Variants in HCN1 observed in about 807,000 individuals in gnomAD.
HCN1 encodes potassium/sodium hyperpolarization-activated cyclic nucleotide-gated channel 1.
In HCN1, 13 loss-of-function variants were observed where a neutral mutation model predicts 78.9. The observed-to-expected ratio is 0.16, with a 90% CI of 0.11 to 0.26. The LOEUF (loss-of-function observed/expected upper bound fraction) is 0.26, where lower values mean the gene tolerates loss of function less well. Ranked by LOEUF, HCN1 falls within the 10% of genes least tolerant of loss-of-function variation. HCN1 has a pLI of 1.00. For synonymous variants in HCN1, 552 were observed against 455.5 expected (o/e 1.21, Z -2.70); for missense variants, 810 against 1,154.3 (o/e 0.70, Z 4.32).
At chr5:45,514,540 T>C (rs1561184411) in intron 2 of HCN1, among the ~76,000 whole-genome samples, 1 of 152,148 alleles carries the variant, frequency 6.6e-6, no homozygotes, top group Non-Finnish European at 1.5e-5. Flanking sequence ...CAATTCTATT[T>C]TTCAATAATT....
chr5:45,495,838 T>G (rs1406342448), intron 2 of HCN1, among the ~76,000 whole-genome samples: 1 of 152,220 alleles, frequency 6.6e-6, no homozygotes, highest in Non-Finnish European at 1.5e-5. Flanking sequence ...CAAAGGCATT[T>G]TCTGCATCTA....
At chr5:45,523,006 C>A (rs1239517506) in intron 2 of HCN1, among the ~76,000 whole-genome samples, 1 of 151,742 alleles carries the variant, frequency 6.6e-6, no homozygotes, top group African/African-American at 2.4e-5. Flanking sequence ...CATCCCTCCC[C>A]ACTCCCCCCA....
At chr5:45,666,332 T>C (rs561117463) in intron 1 of HCN1, among the ~76,000 whole-genome samples, 3 of 152,096 alleles carry the variant, frequency 2.0e-5, no homozygotes, top group Non-Finnish European at 4.4e-5. Context: ...CAATGTGTCC[T>C]AAAGATATTT....
rs113111599 is a variant in HCN1, at chr5:45,302,140, C to T, written c.1618+1459G>A. Reference sequence around the variant, plus strand: ...TTATTAACAAGATAATATGGTTTGGCTCTATGTCCCCCCAACAAATTTCAT... The same window carrying T: ...TTATTAACAAGATAATATGGTTTGGTTCTATGTCCCCCCAACAAATTTCAT... On this transcript the variant is annotated intron_variant, in intron 6 of 7. Coordinates refer to ENST00000303230, the MANE Select transcript of HCN1 (RefSeq NM_021072.4). 5.0e-3 allele frequency among the ~76,000 whole-genome samples: 758 copies of T among 152,158 alleles called. 6 individuals carry two copies. The highest frequency in any genetic ancestry group is 8.4e-3 in the Non-Finnish European group (571 of 68,000).
At chr5:45,402,813 C>CTTTCTTTCCTCCT (rs1198057159) in intron 3 of HCN1, among the ~76,000 whole-genome samples, 4 of 98,370 alleles carry the variant, frequency 4.1e-5, no homozygotes, top group Admixed American at 3.3e-4. Context: ...CCTTTCTTTC[C>CTTTCTTTCCTCCT]TCCTTCCTTC....
At chr5:45,594,692 T>G (rs1202244814) in intron 2 of HCN1, among the ~76,000 whole-genome samples, 1 of 152,156 alleles carries the variant, frequency 6.6e-6, no homozygotes, top group Admixed American at 6.5e-5. Flanking sequence ...AAACCACAAT[T>G]CTAGTACAAT....
At chr5:45,549,319 A>AGGAG (rs1561197342) in intron 2 of HCN1, among the ~76,000 whole-genome samples, 1 of 152,140 alleles carries the variant, frequency 6.6e-6, no homozygotes, top group African/African-American at 2.4e-5. Flanking sequence ...ATGGAACATA[A>AGGAG]CAGAGCCCTC....
At chr5:45,654,097 T>C (rs1172000772) in intron 1 of HCN1, among the ~76,000 whole-genome samples, 3 of 152,118 alleles carry the variant, frequency 2.0e-5, no homozygotes, top group Admixed American at 6.6e-5. Context: ...AGGGGACTTA[T>C]ATTGCATCAT....
intron 4 of HCN1, among the ~76,000 whole-genome samples, chr5:45,373,428 C>A (rs1461082029): frequency 3.8e-5 from 5 of 130,882 alleles, no homozygotes; most frequent in African/African-American, 1.4e-4. Flanking sequence ...ATATATATCC[C>A]TCAGATATAC....
intron 2 of HCN1, among the ~76,000 whole-genome samples, chr5:45,609,798 G>A (rs1365773437): frequency 6.6e-6 from 1 of 152,156 alleles, no homozygotes; most frequent in Non-Finnish European, 1.5e-5. Context: ...GTTATAACAT[G>A]CAGGAGAAGC....
rs1368072582 is a variant in HCN1, at chr5:45,372,105, T to C, written c.1231-18859A>G. 1.1e-4 allele frequency among the ~76,000 whole-genome samples: 7 copies of C among 63,534 alleles called. No homozygotes were observed. The South Asian group carries it at 1.4e-3, about 13-fold the overall frequency. 41.7% of individuals were successfully genotyped at this position (63,534 alleles called of 152,430 possible). ...AATATAATTATATATATATTTTATA[T>C]ATAATATAATTATATATTATATATA... On this transcript the variant is annotated intron_variant, in intron 4 of 7. Coordinates refer to ENST00000303230, the MANE Select transcript of HCN1 (RefSeq NM_021072.4).
chr5:45,320,808 C>A (rs938283899), intron 5 of HCN1, among the ~76,000 whole-genome samples: 1 of 151,844 alleles, frequency 6.6e-6, no homozygotes, highest in Non-Finnish European at 1.5e-5. Flanking sequence ...TTTTAAAAAT[C>A]CGAATGGTTT....
intron 4 of HCN1, among the ~76,000 whole-genome samples, chr5:45,376,829 G>T (rs924301383): frequency 6.6e-6 from 1 of 151,856 alleles, no homozygotes; most frequent in South Asian, 2.1e-4. Flanking sequence ...TCATATATTG[G>T]TAAGGGAGCC....
rs781686163 is a variant in HCN1 at position 45,262,253 on chromosome 5, G to C, written c.2341C>G (p.Arg781Gly). Reference protein sequence around the residue: ...TQALHNTNLTREVRPLSASQP... With the variant: ...TQALHNTNLTGEVRPLSASQP... ...GAGGCGGAGAGTGGCCTGACTTCCCGGGTCAGGTTGGTGTTGTGAAGCGCC... is the reference window on the plus strand; with the variant it reads ...GAGGCGGAGAGTGGCCTGACTTCCCCGGTCAGGTTGGTGTTGTGAAGCGCC... Residue 781 changes from arginine to glycine, a missense_variant, in exon 8 of 8, where the codon CGG becomes GGG. By Grantham distance (125) the Arg-to-Gly change is moderately radical. Around this residue, in one of 6 missense-constraint regions of HCN1, gnomAD observed 398 missense variants for 381.3 expected, o/e 1.04. Transcript: ENST00000303230. The C allele has an allele frequency of 6.2e-7, 1 of 1,613,980 alleles. No homozygotes were observed. Among genetic ancestry groups the C allele is most frequent in the East Asian group, 2.2e-5 (1 of 44,876 alleles).
chr5:45,585,445 G>A (rs1744193131), intron 2 of HCN1, among the ~76,000 whole-genome samples: 1 of 151,958 alleles, frequency 6.6e-6, no homozygotes, highest in South Asian at 2.1e-4. Context: ...TTTTTTCAAG[G>A]TTTTTAACTT....
chr5:45,550,062 A>G (rs1265219288), intron 2 of HCN1, among the ~76,000 whole-genome samples: 1 of 152,140 alleles, frequency 6.6e-6, no homozygotes, highest in African/African-American at 2.4e-5. Context: ...ACTGTAAACT[A>G]GTTCAACCAT....
chr5:45,621,654 T>C (rs1745065160), intron 2 of HCN1, among the ~76,000 whole-genome samples: 1 of 152,176 alleles, frequency 6.6e-6, no homozygotes, highest in African/African-American at 2.4e-5. Flanking sequence ...TCTATATGAC[T>C]ACAGTAAGTG....
intron 6 of HCN1, among the ~76,000 whole-genome samples, chr5:45,296,089 T>G (rs552778003): frequency 6.6e-6 from 1 of 152,132 alleles, no homozygotes; most frequent in East Asian, 1.9e-4. Context: ...GTCATCATAG[T>G]GAAAATATGA....
intron 2 of HCN1, among the ~76,000 whole-genome samples, chr5:45,623,603 A>T (rs1390364266): frequency 6.6e-6 from 1 of 152,228 alleles, no homozygotes; most frequent in East Asian, 1.9e-4. Flanking sequence ...TTTGAAGTAA[A>T]GAATCCTAAC....
Sources: gnomAD v4.1 joint callset for allele counts (sites outside exome capture counted in the v4.1 genomes callset) on GRCh38, gnomAD v4.1.1 for gene constraint, gnomAD v4.1.1 regional missense constraint, MANE v1.5 for transcripts, NCBI Gene and HGNC (gene_info 2026-07-23, HGNC 2026-07-21) for gene names.